The following TAFA2 variants were observed in gnomAD, a reference collection of about 807,000 sequenced individuals.
TAFA2 encodes chemokine-like protein TAFA-2.
A neutral mutation model predicts 18.8 loss-of-function variants in TAFA2; 7 were observed. That is an observed-to-expected ratio of 0.37 (90% CI 0.21 to 0.70). The LOEUF is 0.70. Among genes scored for constraint, TAFA2 ranks in the 30% least tolerant of loss-of-function variants. The pLI, the probability that TAFA2 is intolerant of heterozygous loss-of-function variation, is 0.53. For missense variants in TAFA2, 122 were observed against 158.1 expected (o/e 0.77, Z 1.23); for synonymous variants, 60 against 54.2 (o/e 1.11, Z -0.47).
chr12:61,851,580 T>C (rs943165980), intron 2 of TAFA2, among the ~76,000 whole-genome samples: 17 of 149,574 alleles, frequency 1.1e-4, no homozygotes, highest in African/African-American at 2.5e-4. Flanking sequence ...ATCGAGACCA[T>C]CCTGGCTAAC....
At chr12:62,034,123 A>G (rs1881536213) in intron 1 of TAFA2, among the ~76,000 whole-genome samples, 1 of 151,924 alleles carries the variant, frequency 6.6e-6, no homozygotes, top group South Asian at 2.1e-4. Context: ...TAACACGTAA[A>G]TGGATATAAT....
intron 1 of TAFA2, among the ~76,000 whole-genome samples, chr12:61,897,651 T>C (rs1875910513): frequency 1.3e-5 from 2 of 152,170 alleles, no homozygotes; most frequent in South Asian, 4.1e-4. Flanking sequence ...ACTTTCCCCA[T>C]GATCCAATCA....
At chr12:61,864,929 T>C (rs1874288909) in intron 2 of TAFA2, among the ~76,000 whole-genome samples, 1 of 152,118 alleles carries the variant, frequency 6.6e-6, no homozygotes, top group African/African-American at 2.4e-5. Flanking sequence ...GAAACTGATA[T>C]CTTACTAATT....
chr12:61,971,284 C>A (rs1430616481), intron 1 of TAFA2, among the ~76,000 whole-genome samples: 1 of 151,502 alleles, frequency 6.6e-6, no homozygotes, highest in Admixed American at 6.6e-5. Flanking sequence ...ACTCTTGAAT[C>A]CACACAAAGT....
chr12:61,721,263 A>G (rs1869885313), intron 4 of TAFA2, among the ~76,000 whole-genome samples: 1 of 152,224 alleles, frequency 6.6e-6, no homozygotes, highest in South Asian at 2.1e-4. Context: ...CATTAAAAGC[A>G]AGGAAGAAAG....
intron 1 of TAFA2, among the ~76,000 whole-genome samples, chr12:61,895,488 T>G (rs1057485247): frequency 6.6e-6 from 1 of 152,176 alleles, no homozygotes; most frequent in Admixed American, 6.5e-5. Context: ...CTCTTATGGC[T>G]AAGTTTAAAA....
At chr12:62,230,139 A>C (rs1159278669) in intron 1 of TAFA2, among the ~76,000 whole-genome samples, 1 of 150,404 alleles carries the variant, frequency 6.6e-6, no homozygotes, top group Non-Finnish European at 1.5e-5. Flanking sequence ...AGCTAAGGTT[A>C]TGTTGGTTTT....
chr12:61,763,974 G>T (rs2120807921), intron 2 of TAFA2, among the ~76,000 whole-genome samples: 1 of 151,944 alleles, frequency 6.6e-6, no homozygotes, highest in Admixed American at 6.6e-5. Flanking sequence ...AAACTGTGCT[G>T]ACTAAATGAT....
intron 1 of TAFA2, chr12:62,021,905 T>C (rs1682845507): frequency 1.3e-6 from 1 of 747,776 alleles, no homozygotes; most frequent in South Asian, 1.4e-5. Context: ...TCACAGCCTT[T>C]GGCCCCACTC....
chr12:61,832,576 TG>T (rs1176866124), intron 2 of TAFA2, among the ~76,000 whole-genome samples: 1 of 152,086 alleles, frequency 6.6e-6, no homozygotes, highest in African/African-American at 2.4e-5. Flanking sequence ...CATAATAAAA[TG>T]GTTGTGCTTT....
chr12:62,047,489 C>A (rs1471590470), intron 1 of TAFA2, among the ~76,000 whole-genome samples: 1 of 152,074 alleles, frequency 6.6e-6, no homozygotes, highest in Non-Finnish European at 1.5e-5. Flanking sequence ...ACAGAGGAAA[C>A]AACTTCAGAA....
At chr12:61,741,262 T>C (rs1868430301) in intron 4 of TAFA2, among the ~76,000 whole-genome samples, 1 of 151,808 alleles carries the variant, frequency 6.6e-6, no homozygotes, top group African/African-American at 2.4e-5. Context: ...CTCTCCTCTC[T>C]CTCTGCTCTG....
rs560428872 is a variant in TAFA2 at position 62,091,906 on chromosome 12, C to T, written c.-2+99353G>A. Among the ~76,000 whole-genome samples, 105 of 151,946 alleles carry T rather than the reference C, an allele frequency of 6.9e-4. 1 individual carries two copies. The highest frequency in any genetic ancestry group is 1.2e-3 in the East Asian group (6 of 5,182). Reference sequence around the variant, plus strand: ...AAATGTAAAGCATTCTAATTGCTGTCGACAGAGTATCAAGTTGAGTGACAT... The same window carrying T: ...AAATGTAAAGCATTCTAATTGCTGTTGACAGAGTATCAAGTTGAGTGACAT... On this transcript the variant is annotated intron_variant, in intron 1 of 4. Coordinates refer to ENST00000416284, the MANE Select transcript of TAFA2 (RefSeq NM_178539.5).
At chr12:61,975,514 C>CATGTGTGTGTGTGTGTGT (rs1555180430) in intron 1 of TAFA2, among the ~76,000 whole-genome samples, 1 of 136,560 alleles carries the variant, frequency 7.3e-6, no homozygotes, top group East Asian at 2.3e-4. Flanking sequence ...CAATAATATT[C>CATGTGTGTGTGTGTGTGT]GTGTGTGTGT....
At chr12:62,015,095 G>C (rs1880889047) in intron 1 of TAFA2, among the ~76,000 whole-genome samples, 1 of 152,162 alleles carries the variant, frequency 6.6e-6, no homozygotes, top group East Asian at 1.9e-4. Context: ...AATATGAAAA[G>C]TTACTATGTC....
At chr12:61,872,155 A>T (rs1327774073) in intron 1 of TAFA2, among the ~76,000 whole-genome samples, 1 of 152,188 alleles carries the variant, frequency 6.6e-6, no homozygotes, top group Non-Finnish European at 1.5e-5. Flanking sequence ...CTGGTCTATA[A>T]ACAAAAACCT....
intron 1 of TAFA2, among the ~76,000 whole-genome samples, chr12:62,171,580 G>A (rs969216093): frequency 1.3e-5 from 2 of 152,148 alleles, no homozygotes; most frequent in Non-Finnish European, 1.5e-5. Flanking sequence ...TATAAAAGAG[G>A]CCGAAGGGAG....
chr12:62,202,821 CTTTT>C (rs71083986), intron 1 of TAFA2, among the ~76,000 whole-genome samples: 10 of 61,636 alleles, frequency 1.6e-4, no homozygotes, highest in East Asian at 5.9e-4. Flanking sequence ...CTGTGTGGTT[CTTTT>C]TTTTTTTTTT....
chr12:61,930,333 A>C (rs952595947), intron 1 of TAFA2, among the ~76,000 whole-genome samples: 1 of 152,174 alleles, frequency 6.6e-6, no homozygotes, highest in East Asian at 1.9e-4. Context: ...AACTAAGTTG[A>C]GATAAAAAAT....
Sources: gnomAD v4.1 joint callset for allele counts (sites outside exome capture counted in the v4.1 genomes callset) on GRCh38, gnomAD v4.1.1 for gene constraint, MANE v1.5 for transcripts, NCBI Gene and HGNC (gene_info 2026-07-23, HGNC 2026-07-21) for gene names.